Variants in DGCR8 observed in about 807,000 individuals in gnomAD.
The protein encoded by DGCR8 is microprocessor complex subunit DGCR8.
A neutral mutation model predicts 78.5 loss-of-function variants in DGCR8; 14 were observed. The ratio of observed to expected loss-of-function variants is 0.18; its 90% CI spans 0.12 to 0.28. DGCR8 has a LOEUF of 0.28. DGCR8 is among the 10% of genes least tolerant of loss of function. The pLI, the probability that DGCR8 is intolerant of heterozygous loss-of-function variation, is 1.00. For synonymous variants in DGCR8, 399 were observed against 402.4 expected (o/e 0.99, Z 0.10); for missense variants, 702 against 1,022.5 (o/e 0.69, Z 4.28).
Position 20,094,739 on chromosome 22 carries a change from C to A in DGCR8, c.1732C>A (p.Pro578Thr). Residue 578 changes from proline (P) to threonine (T), a missense_variant, in exon 9 of 14, where the codon CCT (proline) becomes ACT (threonine). Physicochemically the swap from Pro to Thr is conservative, Grantham distance 38. This residue lies in a region of DGCR8 where 225 missense variants were observed against 427.7 expected (regional missense o/e 0.53). Transcript: ENST00000351989. ...AARATLEILI[P>T]DFVKQTSEEK... is the part of the protein sequence containing the mutation. ...CCGAGCTACACTGGAAATCCTCATCCCTGACTTTGTTAAACAGACCTCTGA... is the reference window on the plus strand; with the variant it reads ...CCGAGCTACACTGGAAATCCTCATCACTGACTTTGTTAAACAGACCTCTGA... 1 of 1,614,134 alleles carries A rather than the reference C, an allele frequency of 6.2e-7. No individual in the cohort carries two copies. The highest frequency in any genetic ancestry group is 8.5e-7 in the Non-Finnish European group (1 of 1,179,998).
rs1464035552 is a variant in DGCR8, at chr22:20,087,496, A to G, written c.880+175A>G. Among the ~76,000 whole-genome samples, 5 of 152,112 alleles carry G rather than the reference A, an allele frequency of 3.3e-5. No individual in the cohort carries two copies. The highest frequency in any genetic ancestry group is 7.3e-5 in the Non-Finnish European group (5 of 68,032). On this transcript the variant is annotated intron_variant, in intron 3 of 13. Coordinates refer to ENST00000351989, the MANE Select transcript of DGCR8 (RefSeq NM_022720.7). The surrounding 1 kb of genome is among the most constrained non-coding windows in gnomAD (Gnocchi z 4.1). ...AAACACAGGATGGGAGGACGTCCTG[A>G]TGCATGACCCAGATGCGGATCCTGG...
chr22:20,083,910 T>C (rs2049447170), intron 1 of DGCR8, among the ~76,000 whole-genome samples: 1 of 152,218 alleles, frequency 6.6e-6, no homozygotes, highest in South Asian at 2.1e-4. Context: ...TATAGTCAGT[T>C]GTTAGCTCTG....
chr22:20,106,189 A>T lies in DGCR8; in HGVS notation c.1801A>T (p.Ile601Phe), dbSNP rs759564336. ...CTTTGTGTTGTAGTATTTTAACCAC[A>T]TCAGCATCGAGGACTCGCGGGTCTA... ...DSEELEYFNH[I>F]SIEDSRVYEL... is the part of the protein sequence containing the mutation. Residue 601 changes from isoleucine to phenylalanine, a missense_variant, in exon 10 of 14, where the codon ATC becomes TTC. Ile to Phe is a conservative substitution (Grantham distance 21, BLOSUM62 0). This residue lies in a region of DGCR8 where 225 missense variants were observed against 427.7 expected (regional missense o/e 0.53). Coordinates refer to ENST00000351989, the MANE Select transcript of DGCR8 (RefSeq NM_022720.7). 1 of 1,614,046 alleles carries T rather than the reference A, an allele frequency of 6.2e-7. No individual in the cohort carries two copies. Among genetic ancestry groups the T allele is most frequent in the Middle Eastern group, 1.7e-4 (1 of 6,046 alleles).
At chr22:20,080,756 C>T (rs1460292604) in intron 1 of DGCR8, 2 of 152,476 alleles carry the variant, frequency 1.3e-5, no homozygotes, top group African/African-American at 4.8e-5. Flanking sequence ...CAAGAAGTCG[C>T]CTAAGTCTTT....
Position 20,108,899 on chromosome 22 carries a change from G to A in DGCR8, c.2134G>A (p.Asp712Asn), listed in dbSNP as rs2049802455. The change falls in exon 13 of 14, where the codon GAC (aspartate) becomes AAC (asparagine). Residue 712 changes from aspartate (D) to asparagine (N), a missense_variant. Coordinates refer to ENST00000351989, the MANE Select transcript of DGCR8 (RefSeq NM_022720.7). ...GTGCTATACTTCCCAGGAGACATCGGACAAGAGTGTGATTGAGCTGCAGCA... is the reference window on the plus strand; with the variant it reads ...GTGCTATACTTCCCAGGAGACATCGAACAAGAGTGTGATTGAGCTGCAGCA... ...SSKMVKQETS[D>N]KSVIELQQYA... The A allele has an allele frequency of 6.3e-7, 1 of 1,584,548 alleles. No homozygotes were observed. The highest frequency in any genetic ancestry group is 8.7e-7 in the Non-Finnish European group (1 of 1,153,564).
intron 9 of DGCR8, among the ~76,000 whole-genome samples, chr22:20,096,210 A>C (rs1399722244): frequency 6.6e-6 from 1 of 152,220 alleles, no homozygotes; most frequent in Non-Finnish European, 1.5e-5. Context: ...TAAGAAAATC[A>C]TAAGGAAGAG....
chr22:20,081,658 C>G (rs576196302), intron 1 of DGCR8, among the ~76,000 whole-genome samples: 2 of 152,306 alleles, frequency 1.3e-5, no homozygotes, highest in African/African-American at 4.8e-5. Context: ...GACTTTAATG[C>G]CAGCTTTCCT....
At chr22:20,106,461 C>T in intron 10 of DGCR8, 131 bp from the exon 11 acceptor site, 1 of 828,420 alleles carries the variant, frequency 1.2e-6, no homozygotes, top group South Asian at 1.6e-5. Context: ...TGGAGAATTC[C>T]CTCCTCTGGC....
Position 20,090,084 on chromosome 22 carries a change from C to A in DGCR8, c.1132C>A (p.Pro378Thr). 6.2e-7 allele frequency: 1 copy of A among 1,614,258 alleles called. No individual in the cohort carries two copies. The highest frequency in any genetic ancestry group is 8.5e-7 in the Non-Finnish European group (1 of 1,180,048). ...SDLTPSGDVSPVKPLSRSAEL... is the reference protein window; with the variant it reads ...SDLTPSGDVSTVKPLSRSAEL... Reference sequence around the variant, plus strand: ...CCTCACCCCTAGTGGGGATGTGTCCCCCGTCAAGCCCCTGAGCCGATCTGC... The same window carrying A: ...CCTCACCCCTAGTGGGGATGTGTCCACCGTCAAGCCCCTGAGCCGATCTGC... Residue 378 changes from proline (P) to threonine (T), a missense_variant, in exon 5 of 14, where the codon CCC (proline) becomes ACC (threonine). This residue lies in a region of DGCR8 where 119 missense variants were observed against 126.1 expected (regional missense o/e 0.94). Transcript: ENST00000351989.
rs1424336363 is a variant in DGCR8, at chr22:20,111,498, A to G, written c.*1390A>G. On this transcript the variant is annotated 3_prime_UTR_variant, in exon 14 of 14. Coordinates refer to ENST00000351989, the MANE Select transcript of DGCR8 (RefSeq NM_022720.7). Reference sequence around the variant, plus strand: ...AAAGAAACCCTCAACTCAAATTGCTATAATTAGACACTTGCTTCTGTCTTG... The same window carrying G: ...AAAGAAACCCTCAACTCAAATTGCTGTAATTAGACACTTGCTTCTGTCTTG... 1.0e-5 allele frequency: 4 copies of G among 398,100 alleles called. No homozygotes were observed. Among genetic ancestry groups the G allele is most frequent in the Admixed American group, 4.4e-5 (1 of 22,698 alleles). 24.7% of individuals were successfully genotyped at this position (398,100 alleles called of 1,614,324 possible).
rs112549652 is a variant in DGCR8 at position 20,094,601 on chromosome 22, C to T, written c.1706-112C>T. On this transcript the variant is annotated intron_variant, in intron 8 of 13. Transcript: ENST00000351989. ...AAGTGCTGTCTCTCCTCAGGGCCCT[C>T]GCTCAGCCTCTGAGCTGTGGGGATG... 73 of 953,360 alleles carry T rather than the reference C, an allele frequency of 7.7e-5. 1 individual carries two copies. Among genetic ancestry groups the T allele is most frequent in the African/African-American group, 4.4e-4 (27 of 61,858 alleles). The allele number at this position is 953,360 out of a possible 1,614,324, so 59.1% of individuals were successfully genotyped here.
chr22:20,107,497 G>C, intron 12 of DGCR8, 99 bp downstream of exon 12: 1 of 1,486,802 alleles, frequency 6.7e-7, no homozygotes, highest in Non-Finnish European at 9.2e-7. Context: ...GGGCAGCTCT[G>C]CTGTTGCTCA....
chr22:20,091,770 C>G, intron 6 of DGCR8, 99 bp from the exon 7 acceptor site: 1 of 1,487,652 alleles, frequency 6.7e-7, no homozygotes, highest in South Asian at 1.1e-5. Context: ...CTGCCACATT[C>G]ACGGTCGTGA....
chr22:20,107,505 T>C (rs2147941938), intron 12 of DGCR8, 107 bp downstream of exon 12: 1 of 1,407,862 alleles, frequency 7.1e-7, no homozygotes, highest in Non-Finnish European at 9.8e-7. Context: ...CTGCTGTTGC[T>C]CACAGCTGCC....
At chr22:20,102,078 T>G (rs2147935149) in intron 9 of DGCR8, 2 of 980,420 alleles carry the variant, frequency 2.0e-6, no homozygotes, top group South Asian at 9.5e-5. Context: ...ACCAAGTGTT[T>G]TCTTTTTTTT....
rs769972658 is a variant in DGCR8, at chr22:20,106,640, G to A, written c.1938G>A (p.Gly646=). Residue 646 remains glycine (G), a synonymous_variant, in exon 11 of 14, where the codon GGG becomes GGA. Transcript: ENST00000351989. ...DTSIKFEVVP[G]KNQKSEYVMA... ...CTATCAAGTTTGAAGTGGTTCCTGG[G>A]AAAAACCAGAAGAGTGAATACGTCA... 4 of 1,613,940 alleles carry A rather than the reference G, an allele frequency of 2.5e-6. No homozygotes were observed. The African/African-American group carries it at 5.3e-5, about 22-fold the overall frequency.
rs775125304 is a variant in DGCR8 at position 20,094,773 on chromosome 22, C to T, written c.1766C>T (p.Pro589Leu). ...DFVKQTSEEKPKDSEELEYFN... is the reference protein window; with the variant it reads ...DFVKQTSEEKLKDSEELEYFN... ...GTTAAACAGACCTCTGAAGAGAAGC[C>T]CAAAGACAGTGAAGAACTCGAGGTG... Residue 589 changes from proline (P) to leucine (L), a missense_variant, in exon 9 of 14, where the codon CCC becomes CTC. Pro to Leu is a moderately conservative substitution (Grantham distance 98). Coordinates refer to ENST00000351989, the MANE Select transcript of DGCR8 (RefSeq NM_022720.7). The T allele has an allele frequency of 1.2e-6, 2 of 1,613,978 alleles. No individual in the cohort carries two copies. Among genetic ancestry groups the T allele is most frequent in the Admixed American group, 3.3e-5 (2 of 59,996 alleles).
Position 20,110,029 on chromosome 22 carries a change from A to C in DGCR8, c.2243A>C (p.Glu748Ala). ...TGACCTTTGTTGTTCTTTCAGGAGG[A>C]GACTCGAAAGAAGCCCAAGATGTCC... is the stretch of plus-strand genomic sequence containing the variant. ...EMKRLAEEREETRKKPKMSIV... is the reference protein window; with the variant it reads ...EMKRLAEEREATRKKPKMSIV... The change falls in exon 14 of 14, where the codon GAG (glutamate) becomes GCG (alanine). Residue 748 changes from glutamate (E) to alanine (A), a missense_variant. Coordinates refer to ENST00000351989, the MANE Select transcript of DGCR8 (RefSeq NM_022720.7). 6.2e-7 allele frequency: 1 copy of C among 1,613,762 alleles called. No homozygotes were observed. Among genetic ancestry groups the C allele is most frequent in the Middle Eastern group, 1.6e-4 (1 of 6,062 alleles).
intron 9 of DGCR8, chr22:20,101,961 G>T: frequency 6.1e-6 from 6 of 985,368 alleles, no homozygotes; most frequent in Non-Finnish European, 7.2e-6. Context: ...AGGGAAAAAA[G>T]GAACAACTGG....
Sources: allele counts gnomAD v4.1 joint callset (sites outside exome capture counted in the v4.1 genomes callset), GRCh38; gene constraint gnomAD v4.1.1; regional missense constraint gnomAD v4.1.1; non-coding constraint Gnocchi (gnomAD v3.1); transcripts MANE v1.5; gene names NCBI Gene and HGNC (gene_info 2026-07-23, HGNC 2026-07-21).